AK3: variants seen among roughly 807,000 people sequenced by gnomAD.
AK3 encodes the protein GTP:AMP phosphotransferase AK3, mitochondrial.
A neutral mutation model predicts 23.7 loss-of-function variants in AK3; 27 were observed. That is an observed-to-expected ratio of 1.14 (90% CI 0.84 to 1.57). The LOEUF (loss-of-function observed/expected upper bound fraction) is 1.57. AK3 is among the 40% of genes most tolerant of loss of function. The probability of loss-of-function intolerance (pLI) is 0.00; values close to 1 mark genes in which losing one functional copy is unlikely to be tolerated. For missense variants in AK3, 406 were observed against 285.6 expected, an observed-to-expected ratio of 1.42 and a Z score of -3.04; for synonymous variants, 159 against 116.0, an observed-to-expected ratio of 1.37 and a Z score of -2.38.
At chr9:4,719,039 G>GTCA in intron 3 of AK3, 96 bp downstream of exon 3, 6 of 1,360,548 alleles carry the variant, frequency 4.4e-6, no homozygotes, top group South Asian at 2.6e-5. Context: ...CAGGAGTTTT[G>GTCA]GTCAGAGGAT....
At chr9:4,732,224 C>T (rs1046506175) in intron 1 of AK3, among the ~76,000 whole-genome samples, 1 of 152,164 alleles carries the variant, frequency 6.6e-6, no homozygotes, top group Non-Finnish European at 1.5e-5. Flanking sequence ...GCTGGAATTA[C>T]AGGCATGAGC....
chr9:4,734,770 T>C (rs1186389842), intron 1 of AK3, among the ~76,000 whole-genome samples: 2 of 152,074 alleles, frequency 1.3e-5, no homozygotes. Context: ...AACTTATGAA[T>C]GGATAAATAA....
At chr9:4,734,797 A>G (rs1428384148) in intron 1 of AK3, among the ~76,000 whole-genome samples, 1 of 152,264 alleles carries the variant, frequency 6.6e-6, no homozygotes, top group Non-Finnish European at 1.5e-5. Flanking sequence ...GCCCATCCAT[A>G]AAATGGAATT....
In AK3 at chr9:4,719,311, T is replaced by C. The variant is rs193048604; in HGVS notation, c.272-4A>G. ...TGTGGAAGTGTCCTTGGAAAACCTTTATAAAGTAAAAAAGAAAAAGAAGAA... is the reference window on the plus strand; with the variant it reads ...TGTGGAAGTGTCCTTGGAAAACCTTCATAAAGTAAAAAAGAAAAAGAAGAA... On this transcript the variant is annotated splice_region_variant and splice_polypyrimidine_tract_variant and intron_variant, in intron 2 of 4. Coordinates refer to ENST00000381809, the MANE Select transcript of AK3 (RefSeq NM_016282.4). 7.9e-7 allele frequency: 1 copy of C among 1,271,882 alleles called. No homozygotes were observed. The highest frequency in any genetic ancestry group is 1.8e-5 in the African/African-American group (1 of 55,700). The allele number at this position is 1,271,882 out of a possible 1,614,324, so 78.8% of individuals were successfully genotyped here. A position where few individuals can be genotyped will look rare whatever the true frequency, so the allele number is the denominator to read the frequency against.
chr9:4,721,368 A>C (rs1841890657), intron 2 of AK3, among the ~76,000 whole-genome samples: 3 of 149,096 alleles, frequency 2.0e-5, no homozygotes, highest in Admixed American at 1.4e-4. Flanking sequence ...GCACCATCAC[A>C]CTCCAGCCTG....
chr9:4,718,549 T>G lies in AK3; in HGVS notation c.445-12A>C, dbSNP rs751167622. ...AGGTCATCAATGCCCTAAACAGGATTAGAAGAGACTAGTATCAGATATCAT... is the reference window on the plus strand; with the variant it reads ...AGGTCATCAATGCCCTAAACAGGATGAGAAGAGACTAGTATCAGATATCAT... On this transcript the variant is annotated splice_polypyrimidine_tract_variant and intron_variant, in intron 3 of 4. Transcript: ENST00000381809. The G allele has an allele frequency of 1.3e-6, 2 of 1,516,324 alleles. No homozygotes were observed. The highest frequency in any genetic ancestry group is 1.8e-6 in the Non-Finnish European group (2 of 1,093,332). 93.9% of individuals were successfully genotyped at this position (1,516,324 alleles called of 1,614,324 possible). A position where few individuals can be genotyped will look rare whatever the true frequency, so the allele number is the denominator to read the frequency against.
chr9:4,731,373 G>C (rs1028374055), intron 1 of AK3, among the ~76,000 whole-genome samples: 4 of 152,006 alleles, frequency 2.6e-5, no homozygotes, highest in African/African-American at 4.8e-5. Context: ...TGAGGTATTT[G>C]GTTTTCTTTT....
chr9:4,721,616 G>T (rs532516940), intron 2 of AK3, among the ~76,000 whole-genome samples: 1 of 151,862 alleles, frequency 6.6e-6, no homozygotes, highest in Admixed American at 6.6e-5. Context: ...GCGCCATCAC[G>T]CCCGGCTAAT....
chr9:4,729,833 TAA>T (rs55934908), intron 1 of AK3, among the ~76,000 whole-genome samples: 34 of 132,770 alleles, frequency 2.6e-4, no homozygotes, highest in Non-Finnish European at 2.2e-4. Context: ...CTGTGTCTCT[TAA>T]AAAAAAAAAA....
intron 1 of AK3, among the ~76,000 whole-genome samples, chr9:4,737,150 T>C (rs1031840692): frequency 3.9e-5 from 6 of 152,152 alleles, no homozygotes; most frequent in Admixed American, 6.5e-5. Context: ...CTTTACTATA[T>C]AGTTTTCTTT....
At chr9:4,714,255 A>T (rs57836240) in intron 4 of AK3, among the ~76,000 whole-genome samples, 4,691 of 42,088 alleles carry the variant, frequency 0.11, 108 homozygotes, top group African/African-American at 0.16. Context: ...TAAAGACTGC[A>T]TAAGGACAAC....
intron 1 of AK3, among the ~76,000 whole-genome samples, chr9:4,736,793 T>C (rs947984254): frequency 6.6e-6 from 1 of 152,076 alleles, no homozygotes; most frequent in Non-Finnish European, 1.5e-5. Context: ...TCCTCTCGCC[T>C]CAGCCTCTCA....
At chr9:4,732,973 T>C (rs947856143) in intron 1 of AK3, among the ~76,000 whole-genome samples, 1 of 151,936 alleles carries the variant, frequency 6.6e-6, no homozygotes, top group African/African-American at 2.4e-5. Flanking sequence ...GCTTCCCAAG[T>C]AGTTAGGACT....
chr9:4,734,340 T>C (rs1370399082), intron 1 of AK3, among the ~76,000 whole-genome samples: 4 of 148,404 alleles, frequency 2.7e-5, no homozygotes, highest in African/African-American at 1.0e-4. Context: ...GTGTGTGGTA[T>C]TGTGTTACGG....
At chr9:4,732,006 G>A (rs953716956) in intron 1 of AK3, among the ~76,000 whole-genome samples, 2 of 152,168 alleles carry the variant, frequency 1.3e-5, no homozygotes, top group African/African-American at 4.8e-5. Context: ...CTGGACTGCA[G>A]TGGTATGATC....
chr9:4,721,858 A>C (rs999678360), intron 2 of AK3, among the ~76,000 whole-genome samples: 16 of 152,314 alleles, frequency 1.1e-4, no homozygotes, highest in African/African-American at 3.6e-4. Context: ...TGTACTTTCC[A>C]CAAGGACAAG....
intron 1 of AK3, among the ~76,000 whole-genome samples, chr9:4,734,988 G>A (rs532594797): frequency 6.6e-6 from 1 of 151,714 alleles, no homozygotes; most frequent in Non-Finnish European, 1.5e-5. Flanking sequence ...TGTTGCCAGA[G>A]GCTCAGGTGG....
At position 4,740,975 on chromosome 9, in the gene AK3, C is replaced by T; in HGVS notation, c.113G>A (p.Ser38Asn). Residue 38 changes from serine (S) to asparagine (N), a missense_variant, in exon 1 of 5, where the codon AGC (serine) becomes AAC (asparagine). Ser to Asn is a conservative substitution (Grantham distance 46). Transcript: ENST00000381809. ...CATGTTGTCCCGGAGCAGGTCCCCG[C>T]TGGAGAGGTGCTTCAGCTCGAAGTG... Reference protein sequence around the residue: ...TTHFELKHLSSGDLLRDNMLR... With the variant: ...TTHFELKHLSNGDLLRDNMLR... 2 of 1,587,404 alleles carry T rather than the reference C, an allele frequency of 1.3e-6. No homozygotes were observed.
At chr9:4,726,842 A>T (rs139564097) in intron 1 of AK3, among the ~76,000 whole-genome samples, 89 of 151,898 alleles carry the variant, frequency 5.9e-4, no homozygotes, top group African/African-American at 2.0e-3. Flanking sequence ...AACCTTATGA[A>T]ATGTGTTTTT....
Sources: allele counts gnomAD v4.1 joint callset (sites outside exome capture counted in the v4.1 genomes callset), GRCh38; gene constraint gnomAD v4.1.1; transcripts MANE v1.5; gene names NCBI Gene and HGNC (gene_info 2026-07-23, HGNC 2026-07-21).